Variants in LEKR1 observed in about 807,000 individuals in gnomAD.
The protein encoded by LEKR1 is leucine, glutamate and lysine rich 1, also known as protein LEKR1.
In LEKR1, 59 loss-of-function variants were observed where a neutral mutation model predicts 72.4. The ratio of observed to expected loss-of-function variants is 0.82; its 90% CI spans 0.66 to 1.01. The LOEUF is 1.01. Ranked by LOEUF, LEKR1 falls within the 50% of genes least tolerant of loss-of-function variation. LEKR1 has a pLI of 0.00. For synonymous variants in LEKR1, 257 were observed against 263.2 expected, an observed-to-expected ratio of 0.98 and a Z score of 0.23; for missense variants, 728 against 759.2, an observed-to-expected ratio of 0.96 and a Z score of 0.48.
intron 5 of LEKR1, among the ~76,000 whole-genome samples, chr3:156,935,076 T>C (rs1725573003): frequency 6.6e-6 from 1 of 152,204 alleles, no homozygotes; most frequent in South Asian, 2.1e-4. Flanking sequence ...TATGCCCATT[T>C]TGCTTTTCAT....
intron 4 of LEKR1, among the ~76,000 whole-genome samples, chr3:156,922,807 A>C (rs1044947653): frequency 6.6e-6 from 1 of 152,200 alleles, no homozygotes. Context: ...CACCTCACAA[A>C]GTTGTGTTTA....
intron 3 of LEKR1, among the ~76,000 whole-genome samples, chr3:156,881,852 C>T (rs1477243599): frequency 2.1e-5 from 3 of 142,044 alleles, no homozygotes; most frequent in Non-Finnish European, 3.1e-5. Flanking sequence ...CGCCGCATAT[C>T]TACAACTATC....
intron 3 of LEKR1, among the ~76,000 whole-genome samples, chr3:156,887,950 C>T (rs1355003174): frequency 6.6e-6 from 1 of 151,988 alleles, no homozygotes; most frequent in African/African-American, 2.4e-5. Flanking sequence ...TTTTGACAAA[C>T]TCAAGATAGT....
At chr3:156,830,587 T>A (rs1375003000) in intron 2 of LEKR1, among the ~76,000 whole-genome samples, 1 of 152,178 alleles carries the variant, frequency 6.6e-6, no homozygotes. Context: ...CATGTACTTT[T>A]TGCAAAATCT....
intron 10 of LEKR1, among the ~76,000 whole-genome samples, chr3:157,016,416 G>A (rs2108026895): frequency 6.6e-6 from 1 of 152,154 alleles, no homozygotes; most frequent in South Asian, 2.1e-4. Flanking sequence ...AAGATAGTAG[G>A]ATTGAAAGTA....
intron 3 of LEKR1, among the ~76,000 whole-genome samples, chr3:156,883,750 C>A (rs1046782173): frequency 2.6e-5 from 4 of 152,148 alleles, no homozygotes; most frequent in Admixed American, 2.0e-4. Context: ...ATTGTGAGGC[C>A]TCCCCAGCCA....
chr3:157,008,480 G>GT (rs1380981145), intron 9 of LEKR1, among the ~76,000 whole-genome samples: 1 of 152,148 alleles, frequency 6.6e-6, no homozygotes, highest in Admixed American at 6.5e-5. Context: ...GAACTTCTGT[G>GT]TATCAACCAC....
At chr3:157,008,197 A>C (rs1019967275) in intron 9 of LEKR1, among the ~76,000 whole-genome samples, 3 of 152,190 alleles carry the variant, frequency 2.0e-5, no homozygotes, top group Non-Finnish European at 4.4e-5. Flanking sequence ...CAATTTGAAC[A>C]GTGACTCTCC....
At chr3:156,924,595 T>G in intron 4 of LEKR1, 1 of 614,774 alleles carries the variant, frequency 1.6e-6, no homozygotes, top group South Asian at 2.0e-5. Flanking sequence ...AGCTCTTCTT[T>G]AGATCTATGA....
chr3:156,910,688 A>G (rs1014120032), intron 3 of LEKR1, among the ~76,000 whole-genome samples: 1 of 152,202 alleles, frequency 6.6e-6, no homozygotes, highest in African/African-American at 2.4e-5. Context: ...TCTTATGGCT[A>G]CATAGTATTC....
intron 3 of LEKR1, among the ~76,000 whole-genome samples, chr3:156,916,551 T>C (rs1723669442): frequency 1.3e-5 from 2 of 152,118 alleles, no homozygotes; most frequent in African/African-American, 4.8e-5. Context: ...ATTTGGCTCT[T>C]GGCTTGGCTG....
At chr3:157,005,204 C>T (rs367744691) in intron 9 of LEKR1, among the ~76,000 whole-genome samples, 2 of 152,030 alleles carry the variant, frequency 1.3e-5, no homozygotes, top group African/African-American at 4.8e-5. Flanking sequence ...ATTTTGACAA[C>T]TCTGATGAGA....
intron 4 of LEKR1, 150 bp downstream of exon 4, chr3:156,920,844 T>G: frequency 2.0e-6 from 1 of 500,130 alleles, no homozygotes; most frequent in Non-Finnish European, 3.4e-6. Context: ...TTTTCTTTTT[T>G]AAACCATTAT....
At chr3:156,968,349 A>G (rs906186631) in intron 6 of LEKR1, among the ~76,000 whole-genome samples, 56 of 152,336 alleles carry the variant, frequency 3.7e-4, no homozygotes, top group Non-Finnish European at 6.6e-4. Flanking sequence ...TCAAGAGTCA[A>G]GACCCATCAG....
chr3:157,027,005 C>A (rs112322979), intron 11 of LEKR1, among the ~76,000 whole-genome samples: 1 of 152,016 alleles, frequency 6.6e-6, no homozygotes, highest in Admixed American at 6.6e-5. Flanking sequence ...CTGTGCTGTC[C>A]GTCATGATAG....
Position 157,038,444 on chromosome 3 carries a change from C to T in LEKR1, c.1669-6896C>T, listed in dbSNP as rs532965026. ...CTAGGCAATATGTCCATAGGGAAGG[C>T]AAGCTGGAGATGTCGATTTTGGACA... On this transcript the variant is annotated intron_variant, in intron 12 of 12. Coordinates refer to ENST00000356539, the MANE Select transcript of LEKR1 (RefSeq NM_001004316.3). Among the ~76,000 whole-genome samples, 5 of 152,272 alleles carry T rather than the reference C, an allele frequency of 3.3e-5. No homozygotes were observed. The South Asian group carries it at 1.0e-3, about 32-fold the overall frequency.
In LEKR1 at chr3:156,893,659, C is replaced by T. The variant is rs757167532; in HGVS notation, c.264-26916C>T. 5.9e-5 allele frequency among the ~76,000 whole-genome samples: 9 copies of T among 152,178 alleles called. No homozygotes were observed. The South Asian group carries it at 6.2e-4, about 10-fold the overall frequency. ...GAGATGCCTGCTCCCCCTTTGCTTT[C>T]GCCTTGACTGTAAGTTTCTTGATGC... On this transcript the variant is annotated intron_variant, in intron 3 of 12. Transcript: ENST00000356539.
At chr3:156,979,401 G>A in intron 7 of LEKR1, 126 bp downstream of exon 7, 1 of 402,280 alleles carries the variant, frequency 2.5e-6, no homozygotes, top group South Asian at 2.0e-5. Context: ...TCTTTTGGCA[G>A]TGATTTACTG....
intron 6 of LEKR1, among the ~76,000 whole-genome samples, chr3:156,949,873 G>C (rs141483679): frequency 6.6e-6 from 1 of 151,198 alleles, no homozygotes; most frequent in African/African-American, 2.4e-5. Context: ...TCAGATTGTG[G>C]TTACAGGTCA....
Sources: allele counts gnomAD v4.1 joint callset (sites outside exome capture counted in the v4.1 genomes callset), GRCh38; gene constraint gnomAD v4.1.1; transcripts MANE v1.5; gene names NCBI Gene and HGNC (gene_info 2026-07-23, HGNC 2026-07-21).